ITGB4: variants seen among roughly 807,000 people sequenced by gnomAD.
ITGB4 encodes integrin subunit beta 4, also known as integrin beta-4.
Under a neutral mutation model 207.6 loss-of-function variants are expected in ITGB4, and 159 were observed. The ratio of observed to expected loss-of-function variants is 0.77; its 90% CI spans 0.67 to 0.87. The LOEUF (loss-of-function observed/expected upper bound fraction) is 0.87. Ranked by LOEUF, ITGB4 falls within the 40% of genes least tolerant of loss-of-function variation. The pLI, the probability that ITGB4 is intolerant of heterozygous loss-of-function variation, is 0.00. For synonymous variants in ITGB4, 1,020 were observed against 1,062.7 expected (o/e 0.96, Z 0.78); for missense variants, 2,278 against 2,546.8 (o/e 0.89, Z 2.27).
rs765102828 is a variant in ITGB4 at position 75,752,219 on chromosome 17, A to C, written c.3839A>C (p.Asn1280Thr). 34 of 1,613,712 alleles carry C rather than the reference A, an allele frequency of 2.1e-5. 1 individual carries two copies. The South Asian group carries it at 3.7e-4, about 18-fold the overall frequency. ...AAAGTGCTGGTTGACAACCCTAAGA[A>C]CCGGATGCTGCTTATTGAGAACCTT... Reference protein sequence around the residue: ...MKKVLVDNPKNRMLLIENLRE... With the variant: ...MKKVLVDNPKTRMLLIENLRE... Residue 1280 changes from asparagine (N) to threonine (T), a missense_variant, in exon 31 of 40, where the codon AAC (asparagine) becomes ACC (threonine). Transcript: ENST00000200181.
At chr17:75,733,898 C>T (rs1713011579) in intron 13 of ITGB4, among the ~76,000 whole-genome samples, 1 of 152,164 alleles carries the variant, frequency 6.6e-6, no homozygotes, top group African/African-American at 2.4e-5. Flanking sequence ...AACGTCCATG[C>T]CCAAGGTCAC....
chr17:75,757,311 G>A lies in ITGB4; in HGVS notation c.5329+1G>A. On this transcript the variant is annotated splice_donor_variant, in intron 39 of 39. Transcript: ENST00000200181. LOFTEE classifies it high-confidence loss of function. Reference sequence around the variant, plus strand: ...AGCGCCACCGAGCCCTTCCTAGTGGGTGAGCACTGAGGGCTAGGGGATCCC... The same window carrying A: ...AGCGCCACCGAGCCCTTCCTAGTGGATGAGCACTGAGGGCTAGGGGATCCC... 6.2e-7 allele frequency: 1 copy of A among 1,612,474 alleles called. No individual in the cohort carries two copies. Among genetic ancestry groups the A allele is most frequent in the Non-Finnish European group, 8.5e-7 (1 of 1,179,964 alleles).
chr17:75,754,169 T>A (rs552239268), intron 33 of ITGB4, among the ~76,000 whole-genome samples, 195 bp downstream of exon 33: 43 of 152,220 alleles, frequency 2.8e-4, no homozygotes, highest in African/African-American at 7.9e-4. Flanking sequence ...TGGGCCCTTA[T>A]GGTGCCTGCC....
In ITGB4 at chr17:75,742,191, T is replaced by C. The variant is rs777730765; in HGVS notation, c.2634-150T>C. The C allele has an allele frequency of 5.2e-5, 52 of 997,028 alleles. No individual in the cohort carries two copies. The highest frequency in any genetic ancestry group is 2.0e-5 in the Admixed American group (1 of 49,630). 61.8% of individuals were successfully genotyped at this position (997,028 alleles called of 1,614,324 possible). On this transcript the variant is annotated intron_variant, in intron 23 of 39. Transcript: ENST00000200181. The surrounding 1 kb of genome is among the most constrained non-coding windows in gnomAD (Gnocchi z 5.9). The stretch of plus-strand genomic sequence containing the variant: ...CAGGGTAAAGGGTATGGGGCTGGCA[T>C]AGGCCTGGAGCACTGCCTGCCTCTG...
intron 2 of ITGB4, among the ~76,000 whole-genome samples, chr17:75,726,802 G>A (rs1034901552): frequency 6.6e-6 from 1 of 151,288 alleles, no homozygotes; most frequent in Non-Finnish European, 1.5e-5. Context: ...GGCCGGGCCC[G>A]GTGGCTCCCA....
rs752866356 is a variant in ITGB4, at chr17:75,727,309, G to A, written c.162+32G>A. On this transcript the variant is annotated intron_variant, in intron 3 of 39. Transcript: ENST00000200181. The surrounding 1 kb of genome is among the most constrained non-coding windows in gnomAD (Gnocchi z 6.0). ...ACCTGGCCCGGGTTGGTGTGGAACAGGCAAGGGTCGGGAATAGCTGGTGGA... is the reference window on the plus strand; with the variant it reads ...ACCTGGCCCGGGTTGGTGTGGAACAAGCAAGGGTCGGGAATAGCTGGTGGA... The A allele has an allele frequency of 6.2e-7, 1 of 1,613,162 alleles. No individual in the cohort carries two copies. The highest frequency in any genetic ancestry group is 1.1e-5 in the South Asian group (1 of 90,942).
chr17:75,743,021 G>C (rs1398690200), intron 25 of ITGB4, among the ~76,000 whole-genome samples: 1 of 152,124 alleles, frequency 6.6e-6, no homozygotes, highest in Non-Finnish European at 1.5e-5. Flanking sequence ...CCAGCCCCTT[G>C]CTCCTCTCTA....
chr17:75,737,900 T>C (rs2061018484), intron 18 of ITGB4, among the ~76,000 whole-genome samples: 1 of 143,520 alleles, frequency 7.0e-6, no homozygotes, highest in Non-Finnish European at 1.5e-5. Context: ...TCTGACAGGG[T>C]CTCCACCCTC....
In ITGB4 at chr17:75,740,688, G is replaced by A; in HGVS notation, c.2551-105G>A. 1 of 1,328,266 alleles carries A rather than the reference G, an allele frequency of 7.5e-7. No individual in the cohort carries two copies. Among genetic ancestry groups the A allele is most frequent in the Non-Finnish European group, 1.1e-6 (1 of 924,314 alleles). 82.3% of individuals were successfully genotyped at this position (1,328,266 alleles called of 1,614,324 possible). On this transcript the variant is annotated intron_variant, in intron 21 of 39. Coordinates refer to ENST00000200181, the MANE Select transcript of ITGB4 (RefSeq NM_000213.5). This position sits in a 1 kb window ranked among gnomAD's most constrained non-coding sequence, Gnocchi z 5.9. ...CACGGGGCATGCCCCAGCCAACCCT[G>A]AGGATCTCTGGGTACAGAGGCTGCC...
chr17:75,750,175 G>C lies in ITGB4; in HGVS notation c.3381G>C (p.Leu1127=), dbSNP rs1164231715. Residue 1127 remains leucine, a synonymous_variant, in exon 28 of 40, where the codon CTG becomes CTC. Transcript: ENST00000200181. The surrounding 1 kb of genome is among the most constrained non-coding windows in gnomAD (Gnocchi z 5.5). ...CACAGCCACCCCCTCACGGCGACCT[G>C]GGCGCCCCGCAGAACCCCAATGCTA... The part of the protein sequence containing the change: ...LSSQPPPHGD[L]GAPQNPNAKA... The C allele has an allele frequency of 1.9e-6, 3 of 1,613,752 alleles. No homozygotes were observed. The Admixed American group carries it at 5.0e-5, about 27-fold the overall frequency.
chr17:75,755,039 T>C (rs1395951215), intron 34 of ITGB4: 1 of 1,589,984 alleles, frequency 6.3e-7, no homozygotes, highest in Admixed American at 1.8e-5. Flanking sequence ...CTCACTCTTG[T>C]TTTGTCCTGC....
At chr17:75,726,625 G>A (rs1399405700) in intron 2 of ITGB4, among the ~76,000 whole-genome samples, 1 of 151,932 alleles carries the variant, frequency 6.6e-6, no homozygotes, top group Non-Finnish European at 1.5e-5. Context: ...CCAGCTACTC[G>A]GGAGGCTGAG....
At chr17:75,755,141 T>G in intron 34 of ITGB4, 2 of 1,611,564 alleles carry the variant, frequency 1.2e-6, no homozygotes, top group South Asian at 2.2e-5. Context: ...GATGAAAGGG[T>G]TCCCCCCTTC....
At position 75,742,808 on chromosome 17, in the gene ITGB4, G is replaced by A. The variant is rs1293036716; in HGVS notation, c.2962+47G>A. 2.2e-5 allele frequency: 34 copies of A among 1,555,084 alleles called. No homozygotes were observed. The highest frequency in any genetic ancestry group is 2.9e-5 in the Non-Finnish European group (33 of 1,149,258). ...GGGGAAGGCAGACGGGGGCTCGGGG[G>A]CACTGGTTCCTCCTGCTTAAGTGGA... On this transcript the variant is annotated intron_variant, in intron 25 of 39. Coordinates refer to ENST00000200181, the MANE Select transcript of ITGB4 (RefSeq NM_000213.5). The surrounding 1 kb of genome is among the most constrained non-coding windows in gnomAD (Gnocchi z 5.9).
rs2061047239 is a variant in ITGB4, at chr17:75,739,068, G to T, written c.2221-604G>T. 1.3e-5 allele frequency among the ~76,000 whole-genome samples: 2 copies of T among 152,158 alleles called. No homozygotes were observed. The highest frequency in any genetic ancestry group is 1.3e-4 in the Admixed American group (2 of 15,276). ...CCCAGCACTTTGGGAGGCCAAGGCG[G>T]GTGGATCACTTGAGGTCAGGAGTTG... On this transcript the variant is annotated intron_variant, in intron 18 of 39. Transcript: ENST00000200181. This position sits in a 1 kb window ranked among gnomAD's most constrained non-coding sequence, Gnocchi z 5.4.
Position 75,750,683 on chromosome 17 carries a change from A to G in ITGB4, c.3478A>G (p.Lys1160Glu), listed in dbSNP as rs1182232939. The G allele has an allele frequency of 4.3e-6, 7 of 1,612,922 alleles. No homozygotes were observed. The highest frequency in any genetic ancestry group is 5.9e-6 in the Non-Finnish European group (7 of 1,179,984). Residue 1160 changes from lysine to glutamate, a missense_variant, in exon 29 of 40, where the codon AAG becomes GAG. Transcript: ENST00000200181. The surrounding 1 kb of genome is among the most constrained non-coding windows in gnomAD (Gnocchi z 5.5). The stretch of plus-strand genomic sequence containing the variant: ...GGACCCCTGTCCCTGGGGGTAGGTA[A>G]AGTACTGGATTCAGGGTGACTCCGA... ...PSGKPMGYRV[K>E]YWIQGDSESE... is the part of the protein sequence containing the mutation.
chr17:75,737,031 C>T (rs898701567), intron 16 of ITGB4, among the ~76,000 whole-genome samples: 1 of 152,126 alleles, frequency 6.6e-6, no homozygotes, highest in African/African-American at 2.4e-5. Context: ...CGCAGCCTCC[C>T]CTCCTCGAGA....
At position 75,750,779 on chromosome 17, in the gene ITGB4, T is replaced by C. The variant is rs1250955928; in HGVS notation, c.3574T>C (p.Tyr1192His). ...ELTNLYPYCDYEMKVCAYGAQ... is the reference protein window; with the variant it reads ...ELTNLYPYCDHEMKVCAYGAQ... Reference sequence around the variant, plus strand: ...CACCAACCTGTACCCGTATTGCGACTATGAGATGAAGGTGTGCGCCTACGG... The same window carrying C: ...CACCAACCTGTACCCGTATTGCGACCATGAGATGAAGGTGTGCGCCTACGG... The change falls in exon 29 of 40, where the codon TAT becomes CAT. Residue 1192 changes from tyrosine (Y) to histidine (H), a missense_variant. Coordinates refer to ENST00000200181, the MANE Select transcript of ITGB4 (RefSeq NM_000213.5). The surrounding 1 kb of genome is among the most constrained non-coding windows in gnomAD (Gnocchi z 5.5). 1 of 1,613,470 alleles carries C rather than the reference T, an allele frequency of 6.2e-7. No individual in the cohort carries two copies. The highest frequency in any genetic ancestry group is 1.3e-5 in the African/African-American group (1 of 74,936).
chr17:75,731,515 T>G lies in ITGB4; in HGVS notation c.1215+147T>G. 1 of 884,724 alleles carries G rather than the reference T, an allele frequency of 1.1e-6. No individual in the cohort carries two copies. 54.8% of individuals were successfully genotyped at this position (884,724 alleles called of 1,614,324 possible). ...CTGGGCCTAGCCGCTCGGATGAGCC[T>G]AGGTTGCTCCTCTGCTTGTTGGTTT... On this transcript the variant is annotated intron_variant, in intron 10 of 39. Coordinates refer to ENST00000200181, the MANE Select transcript of ITGB4 (RefSeq NM_000213.5). The surrounding 1 kb of genome is among the most constrained non-coding windows in gnomAD (Gnocchi z 6.8).
Sources: gnomAD v4.1 joint callset for allele counts (sites outside exome capture counted in the v4.1 genomes callset) on GRCh38, gnomAD v4.1.1 for gene constraint, Gnocchi (gnomAD v3.1) non-coding constraint, MANE v1.5 for transcripts, NCBI Gene and HGNC (gene_info 2026-07-23, HGNC 2026-07-21) for gene names.